TEKT5: variants seen among roughly 807,000 people sequenced by gnomAD.
TEKT5 encodes tektin 5.
A neutral mutation model predicts 48.7 loss-of-function variants in TEKT5; 52 were observed. That is an observed-to-expected ratio of 1.07 (90% CI 0.86 to 1.35). The LOEUF is 1.35. TEKT5 is among the 40% of genes most tolerant of loss of function. The pLI, the probability that TEKT5 is intolerant of heterozygous loss-of-function variation, is 0.00. For synonymous variants in TEKT5, 318 were observed against 267.6 expected, an observed-to-expected ratio of 1.19 and a Z score of -1.84; for missense variants, 831 against 641.6, an observed-to-expected ratio of 1.30 and a Z score of -3.19.
chr16:10,640,101 C>CTT (rs1897972321), intron 5 of TEKT5, among the ~76,000 whole-genome samples: 22 of 144,236 alleles, frequency 1.5e-4, no homozygotes, highest in South Asian at 4.6e-4. Flanking sequence ...CTTCCCTCTC[C>CTT]CCTCCTCCCG....
At chr16:10,680,131 A>G (rs1030220593) in intron 4 of TEKT5, among the ~76,000 whole-genome samples, 8 of 152,244 alleles carry the variant, frequency 5.3e-5, no homozygotes, top group Non-Finnish European at 1.2e-4. Flanking sequence ...CTCCCTGTGC[A>G]GATGAGGGGG....
At chr16:10,642,281 A>G (rs557316307) in intron 5 of TEKT5, among the ~76,000 whole-genome samples, 9 of 152,220 alleles carry the variant, frequency 5.9e-5, no homozygotes, top group Non-Finnish European at 1.0e-4. Context: ...CAACCAACCT[A>G]GAGCCCATAG....
chr16:10,634,078 G>A (rs569164263), intron 6 of TEKT5, among the ~76,000 whole-genome samples: 6 of 152,268 alleles, frequency 3.9e-5, no homozygotes, highest in East Asian at 1.9e-4. Flanking sequence ...AGGGTCCATC[G>A]CTGGACCAAG....
chr16:10,631,101 C>CAA (rs1897833245), intron 6 of TEKT5, among the ~76,000 whole-genome samples: 1 of 150,542 alleles, frequency 6.6e-6, no homozygotes, highest in African/African-American at 2.4e-5. Flanking sequence ...CACACACACA[C>CAA]AAAAATTAGC....
intron 5 of TEKT5, among the ~76,000 whole-genome samples, chr16:10,650,910 T>C (rs1338262853): frequency 6.7e-6 from 1 of 148,420 alleles, no homozygotes; most frequent in Non-Finnish European, 1.5e-5. Flanking sequence ...CCACACCCAC[T>C]GTATCTGGGG....
chr16:10,651,521 A>G (rs141169400), intron 5 of TEKT5, among the ~76,000 whole-genome samples: 68 of 152,348 alleles, frequency 4.5e-4, no homozygotes, highest in African/African-American at 1.5e-3. Context: ...TGATGATGAT[A>G]ATAATAATAT....
At chr16:10,639,259 A>T (rs957348394) in intron 5 of TEKT5, among the ~76,000 whole-genome samples, 3 of 152,142 alleles carry the variant, frequency 2.0e-5, no homozygotes, top group Admixed American at 6.6e-5. Context: ...GTGAGCTATG[A>T]TCGCACCACT....
chr16:10,668,145 C>A (rs1328588938), intron 5 of TEKT5, among the ~76,000 whole-genome samples: 1 of 151,978 alleles, frequency 6.6e-6, no homozygotes, highest in African/African-American at 2.4e-5. Context: ...TCCCAAAGTG[C>A]TGGGATTACA....
Position 10,652,240 on chromosome 16 carries a change from G to A in TEKT5, c.1087-16322C>T, listed in dbSNP as rs563292463. 3.3e-5 allele frequency among the ~76,000 whole-genome samples: 5 copies of A among 152,152 alleles called. 1 individual carries two copies. In the East Asian group the frequency reaches 7.7e-4, roughly 24 times the overall value. ...GCCTCGGCACACAGAGCTGGCAGACGCAGACACCCTTCTGGTCACAGAGCA... is the reference window on the plus strand; with the variant it reads ...GCCTCGGCACACAGAGCTGGCAGACACAGACACCCTTCTGGTCACAGAGCA... On this transcript the variant is annotated intron_variant, in intron 5 of 6. Transcript: ENST00000283025.
At chr16:10,652,719 A>ACACACT (rs1567228354) in intron 5 of TEKT5, among the ~76,000 whole-genome samples, 1 of 89,558 alleles carries the variant, frequency 1.1e-5, no homozygotes. Flanking sequence ...ACACACACAC[A>ACACACT]CACACCCTCC....
chr16:10,673,457 G>A (rs780665357), intron 5 of TEKT5, among the ~76,000 whole-genome samples: 11 of 152,080 alleles, frequency 7.2e-5, no homozygotes, highest in Non-Finnish European at 1.5e-4. Flanking sequence ...TGTCCTAGAG[G>A]ATTAGTAGGA....
Position 10,663,882 on chromosome 16 carries a change from C to T in TEKT5, c.1086+12077G>A, listed in dbSNP as rs376823410. On this transcript the variant is annotated intron_variant, in intron 5 of 6. Coordinates refer to ENST00000283025, the MANE Select transcript of TEKT5 (RefSeq NM_144674.2). ...AGATAAATGTTGAGCAGGTCCTGCTCGCAGCCGTTTCTCTCAAGTGGTAGC... is the reference window on the plus strand; with the variant it reads ...AGATAAATGTTGAGCAGGTCCTGCTTGCAGCCGTTTCTCTCAAGTGGTAGC... Among the ~76,000 whole-genome samples the T allele has an allele frequency of 6.6e-5, 10 of 152,202 alleles. 1 individual carries two copies. In the East Asian group the frequency reaches 1.2e-3, roughly 18 times the overall value.
chr16:10,680,302 G>T (rs2142306329), intron 4 of TEKT5, among the ~76,000 whole-genome samples: 1 of 152,316 alleles, frequency 6.6e-6, no homozygotes, highest in East Asian at 1.9e-4. Flanking sequence ...CCCAGGCTTG[G>T]GCCAAGGAGA....
At chr16:10,631,674 G>C (rs931790005) in intron 6 of TEKT5, among the ~76,000 whole-genome samples, 1 of 152,150 alleles carries the variant, frequency 6.6e-6, no homozygotes, top group African/African-American at 2.4e-5. Flanking sequence ...TAAGAGAAAG[G>C]AGAGGGAGGT....
chr16:10,635,454 T>C (rs1428643576), intron 6 of TEKT5, among the ~76,000 whole-genome samples: 1 of 152,052 alleles, frequency 6.6e-6, no homozygotes, highest in African/African-American at 2.4e-5. Context: ...TGCCTTGGCT[T>C]TCAAGTGAAA....
chr16:10,681,852 C>T (rs895788827), intron 4 of TEKT5, 141 bp downstream of exon 4: 1 of 1,151,764 alleles, frequency 8.7e-7, no homozygotes, highest in Admixed American at 2.2e-5. Context: ...ATTCTGCCGC[C>T]TGCGCTAGAG....
chr16:10,683,603 T>A (rs972667451), intron 3 of TEKT5, among the ~76,000 whole-genome samples: 1 of 152,260 alleles, frequency 6.6e-6, no homozygotes, highest in African/African-American at 2.4e-5. Flanking sequence ...TTAATTAATT[T>A]TTTTGAGATG....
chr16:10,643,308 G>C (rs191386376), intron 5 of TEKT5, among the ~76,000 whole-genome samples: 9 of 152,048 alleles, frequency 5.9e-5, no homozygotes, highest in Non-Finnish European at 1.3e-4. Context: ...GAGCCTATGA[G>C]TTTGAGGCTC....
chr16:10,675,240 G>A (rs931397285), intron 5 of TEKT5, among the ~76,000 whole-genome samples: 1 of 152,194 alleles, frequency 6.6e-6, no homozygotes, highest in Non-Finnish European at 1.5e-5. Flanking sequence ...TCCTCCAGGA[G>A]AATGTCAAGT....
Sources: allele counts gnomAD v4.1 joint callset (sites outside exome capture counted in the v4.1 genomes callset), GRCh38; gene constraint gnomAD v4.1.1; transcripts MANE v1.5; gene names NCBI Gene and HGNC (gene_info 2026-07-23, HGNC 2026-07-21).